Variants in AUTS2 observed in about 807,000 individuals in gnomAD.
The protein encoded by AUTS2 is activator of transcription and developmental regulator AUTS2.
A neutral mutation model predicts 112.4 loss-of-function variants in AUTS2; 17 were observed. The observed-to-expected ratio is 0.15, with a 90% CI of 0.10 to 0.23. The LOEUF (loss-of-function observed/expected upper bound fraction) is 0.23. Ranked by LOEUF, AUTS2 falls within the 10% of genes least tolerant of loss-of-function variation. AUTS2 has a pLI of 1.00. For synonymous variants in AUTS2, 751 were observed against 702.7 expected (o/e 1.07, Z -1.09); for missense variants, 1,510 against 1,701.6 (o/e 0.89, Z 1.98).
At chr7:69,817,625 A>G (rs1342824532) in intron 1 of AUTS2, among the ~76,000 whole-genome samples, 1 of 152,198 alleles carries the variant, frequency 6.6e-6, no homozygotes, top group African/African-American at 2.4e-5. Flanking sequence ...TTGTGGGGGA[A>G]GTAGGCCTTG....
At chr7:70,417,000 G>A (rs1795013566) in intron 4 of AUTS2, among the ~76,000 whole-genome samples, 1 of 152,146 alleles carries the variant, frequency 6.6e-6, no homozygotes, top group Admixed American at 6.5e-5. Flanking sequence ...GTGCCAAAGC[G>A]GTCTCAGTGG....
chr7:70,097,822 A>T (rs1330593673), intron 2 of AUTS2, among the ~76,000 whole-genome samples: 1 of 152,232 alleles, frequency 6.6e-6, no homozygotes, highest in Non-Finnish European at 1.5e-5. Flanking sequence ...TGCATGCTTC[A>T]TGCAATTATC....
chr7:70,771,748 A>C, intron 11 of AUTS2, 104 bp downstream of exon 11: 1 of 974,312 alleles, frequency 1.0e-6, no homozygotes, highest in Admixed American at 2.0e-5. Flanking sequence ...GTGACTCATT[A>C]ATCAGGTCCT....
At chr7:69,600,641 CTCTGTAT>C (rs891182382) in intron 1 of AUTS2, among the ~76,000 whole-genome samples, 4 of 147,412 alleles carry the variant, frequency 2.7e-5, no homozygotes, top group African/African-American at 1.0e-4. Flanking sequence ...TGGAATAGCT[CTCTGTAT>C]TCTGTATGGG....
chr7:70,404,114 CG>C (rs1794435593), intron 4 of AUTS2, among the ~76,000 whole-genome samples: 1 of 152,150 alleles, frequency 6.6e-6, no homozygotes, highest in Non-Finnish European at 1.5e-5. Flanking sequence ...GTCTAAGACT[CG>C]AGTGTAAAAT....
chr7:69,851,550 C>T (rs572654622), intron 1 of AUTS2, among the ~76,000 whole-genome samples: 3 of 152,198 alleles, frequency 2.0e-5, no homozygotes, highest in Non-Finnish European at 4.4e-5. Context: ...GCGCCTGGCC[C>T]ATATGTGAAA....
Position 69,858,844 on chromosome 7 carries a change from C to T in AUTS2, c.310-40442C>T, listed in dbSNP as rs148549943. Among the ~76,000 whole-genome samples the T allele has an allele frequency of 3.2e-4, 48 of 152,268 alleles. 1 individual carries two copies. In the East Asian group the frequency reaches 6.9e-3, roughly 22 times the overall value. ...TTTGCTAGGTATGTACTGTAAGGCC[C>T]GTGTGGCCAGAGACTGAGTCTTGGA... On this transcript the variant is annotated intron_variant, in intron 1 of 18. Coordinates refer to ENST00000342771, the MANE Select transcript of AUTS2 (RefSeq NM_015570.4).
At chr7:70,731,789 C>T (rs1011941812) in intron 6 of AUTS2, among the ~76,000 whole-genome samples, 1 of 151,968 alleles carries the variant, frequency 6.6e-6, no homozygotes, top group African/African-American at 2.4e-5. Flanking sequence ...TCCGTTTCTT[C>T]CTCCCCTTCC....
chr7:70,208,137 A>G (rs556035353), intron 4 of AUTS2, among the ~76,000 whole-genome samples: 2 of 152,312 alleles, frequency 1.3e-5, no homozygotes, highest in African/African-American at 4.8e-5. Flanking sequence ...TCCTAACATG[A>G]AATTTCAAAA....
chr7:70,245,359 A>G (rs1020268117), intron 4 of AUTS2, among the ~76,000 whole-genome samples: 1 of 151,950 alleles, frequency 6.6e-6, no homozygotes, highest in Non-Finnish European at 1.5e-5. Flanking sequence ...CCATGATGGA[A>G]ACTGGCAGCA....
rs573706283 is a variant in AUTS2 at position 70,457,830 on chromosome 7, C to T, written c.690+22049C>T. On this transcript the variant is annotated intron_variant, in intron 5 of 18. Transcript: ENST00000342771. The stretch of plus-strand genomic sequence containing the variant: ...AGTCTTTCTCTGATGATTAAAAGGC[C>T]CTTCAGAATCTTCTGAGCCGTTTTG... Among the ~76,000 whole-genome samples, 31 of 152,232 alleles carry T rather than the reference C, an allele frequency of 2.0e-4. No homozygotes were observed. The South Asian group carries it at 4.8e-3, about 23-fold the overall frequency.
chr7:70,187,255 G>A (rs1441903834), intron 4 of AUTS2, among the ~76,000 whole-genome samples: 1 of 152,176 alleles, frequency 6.6e-6, no homozygotes, highest in African/African-American at 2.4e-5. Context: ...TTTGTTGTAA[G>A]AATATTTATG....
intron 1 of AUTS2, among the ~76,000 whole-genome samples, chr7:69,762,514 GC>G (rs1357782722): frequency 6.6e-6 from 1 of 151,708 alleles, no homozygotes; most frequent in Non-Finnish European, 1.5e-5. Flanking sequence ...TTGCCATGTT[GC>G]CCAAGCTGGT....
At chr7:70,717,300 C>G (rs1011138870) in intron 6 of AUTS2, among the ~76,000 whole-genome samples, 3 of 152,158 alleles carry the variant, frequency 2.0e-5, no homozygotes, top group Non-Finnish European at 2.9e-5. Flanking sequence ...CCTATCCCAG[C>G]CTCCGAAGTA....
At chr7:69,714,209 A>G (rs1798472428) in intron 1 of AUTS2, among the ~76,000 whole-genome samples, 2 of 151,120 alleles carry the variant, frequency 1.3e-5, no homozygotes, top group South Asian at 2.1e-4. Context: ...GACTACAGGC[A>G]TGCACCAACA....
At chr7:70,061,409 G>C (rs2129560762) in intron 2 of AUTS2, among the ~76,000 whole-genome samples, 1 of 152,238 alleles carries the variant, frequency 6.6e-6, no homozygotes, top group East Asian at 1.9e-4. Context: ...CTCAAGGAGG[G>C]AATAAGAGGT....
rs142414850 is a variant in AUTS2 at position 69,984,592 on chromosome 7, G to A, written c.522+85094G>A. On this transcript the variant is annotated intron_variant, in intron 2 of 18. Transcript: ENST00000342771. ...TAGCTTCAAGAAATGTTTGTTTCAC[G>A]TTACTTATCTTTGTTTGTCAATGAG... is the stretch of plus-strand genomic sequence containing the variant. Among the ~76,000 whole-genome samples, 1,073 of 151,944 alleles carry A rather than the reference G, an allele frequency of 7.1e-3. 13 individuals carry two copies. Among genetic ancestry groups the A allele is most frequent in the African/African-American group, 0.025 (1,022 of 41,444 alleles).
chr7:70,678,280 A>G (rs1484806647), intron 5 of AUTS2, among the ~76,000 whole-genome samples: 1 of 152,172 alleles, frequency 6.6e-6, no homozygotes, highest in African/African-American at 2.4e-5. Flanking sequence ...CTGTAAAGAA[A>G]TAAGGCATAC....
chr7:70,366,925 A>G (rs935828154), intron 4 of AUTS2, among the ~76,000 whole-genome samples: 11 of 152,160 alleles, frequency 7.2e-5, no homozygotes, highest in Non-Finnish European at 1.2e-4. Context: ...GTACCTGTGG[A>G]ACATCCAAGT....
Sources: allele counts gnomAD v4.1 joint callset (sites outside exome capture counted in the v4.1 genomes callset), GRCh38; gene constraint gnomAD v4.1.1; transcripts MANE v1.5; gene names NCBI Gene and HGNC (gene_info 2026-07-23, HGNC 2026-07-21).